The following MYO16 variants were observed in gnomAD, a reference collection of about 807,000 sequenced individuals.
MYO16 encodes the protein myosin XVI, also known as unconventional myosin-XVI.
Under a neutral mutation model 205.3 loss-of-function variants are expected in MYO16, and 94 were observed. That is an observed-to-expected ratio of 0.46 (90% confidence interval 0.39 to 0.54). The LOEUF (loss-of-function observed/expected upper bound fraction) is 0.54, where lower values mean the gene tolerates loss of function less well. Among genes scored for constraint, MYO16 ranks in the 20% least tolerant of loss-of-function variants. The pLI, the probability that MYO16 is intolerant of heterozygous loss-of-function variation, is 0.00. For missense variants in MYO16, 2,315 were observed against 2,387.5 expected (o/e 0.97, Z 0.63); for synonymous variants, 988 against 954.0 (o/e 1.04, Z -0.66).
In MYO16 at chr13:108,629,618, G is replaced by A; in HGVS notation, c.-227G>A. ...TGCTACAATAGCACGTGCACCAGTG[G>A]TGCCTCAAGACCCACCGGGGAGAGG... On this transcript the variant is annotated 5_prime_UTR_variant, in exon 1 of 35. It adds an upstream start codon to the 5' untranslated region. Transcript: ENST00000457511. 4.1e-6 allele frequency: 2 copies of A among 489,792 alleles called. No homozygotes were observed. The highest frequency in any genetic ancestry group is 7.4e-6 in the Non-Finnish European group (2 of 270,076). The allele number at this position is 489,792 out of a possible 1,614,324, so 30.3% of individuals were successfully genotyped here.
chr13:108,969,750 G>A (rs1190794981), intron 20 of MYO16, among the ~76,000 whole-genome samples: 4 of 152,136 alleles, frequency 2.6e-5, no homozygotes, highest in East Asian at 1.9e-4. Flanking sequence ...CTCTCTGCCC[G>A]ACTACAGCAA....
intron 15 of MYO16, among the ~76,000 whole-genome samples, chr13:108,899,160 A>C (rs1042496457): frequency 2.6e-5 from 4 of 152,232 alleles, no homozygotes; most frequent in Non-Finnish European, 4.4e-5. Context: ...GCAGTGGCTC[A>C]CGCCTGAAAT....
At chr13:108,618,896 T>C (rs951782805) in intron 1 of MYO16, among the ~76,000 whole-genome samples, 2 of 152,224 alleles carry the variant, frequency 1.3e-5, no homozygotes, top group South Asian at 4.1e-4. Context: ...CCAATCTTAA[T>C]GTATCTCTCT....
In MYO16 at chr13:109,125,286, G is replaced by T; in HGVS notation, c.3710G>T (p.Arg1237Leu). The T allele has an allele frequency of 6.2e-7, 1 of 1,614,120 alleles. No homozygotes were observed. Among genetic ancestry groups the T allele is most frequent in the Non-Finnish European group, 8.5e-7 (1 of 1,180,010 alleles). Reference protein sequence around the residue: ...SDIARENDRLRSEMNAPYHKE... With the variant: ...SDIARENDRLLSEMNAPYHKE... ...ATTGCCCGGGAAAATGACCGGCTCC[G>T]TAGTGAAATGAACGCTCCCTACCAT... The change falls in exon 30 of 35, where the codon CGT becomes CTT. Residue 1237 changes from arginine to leucine, a missense_variant. Physicochemically the swap from Arg to Leu is moderately radical, Grantham distance 102. Around this residue, in one of 3 missense-constraint regions of MYO16, gnomAD observed 1,097 missense variants for 1,092.0 expected, o/e 1.00. Coordinates refer to ENST00000457511, the MANE Select transcript of MYO16 (RefSeq NM_001198950.3). This position sits in a 1 kb window ranked among gnomAD's most constrained non-coding sequence, Gnocchi z 4.0.
intron 30 of MYO16, among the ~76,000 whole-genome samples, chr13:109,126,730 A>T (rs1205150031): frequency 1.3e-5 from 2 of 152,334 alleles, no homozygotes; most frequent in East Asian, 3.9e-4. Flanking sequence ...ACATAATTAA[A>T]TAATTTCTGG....
intron 29 of MYO16, 110 bp downstream of exon 29, chr13:109,120,576 C>T: frequency 1.5e-6 from 1 of 662,078 alleles, no homozygotes; most frequent in Non-Finnish European, 2.4e-6. Context: ...TAGTGGACCA[C>T]TCTCTCGATT....
intron 27 of MYO16, among the ~76,000 whole-genome samples, chr13:109,072,478 A>G (rs1887952789): frequency 6.6e-6 from 1 of 152,058 alleles, no homozygotes; most frequent in African/African-American, 2.4e-5. Flanking sequence ...TTGCTCTTGA[A>G]ATAATTAATA....
intron 22 of MYO16, among the ~76,000 whole-genome samples, chr13:109,015,508 T>C (rs998169369): frequency 2.0e-5 from 3 of 152,328 alleles, no homozygotes; most frequent in Admixed American, 6.5e-5. Context: ...CCTCTTTTTC[T>C]ATTGATTGGA....
At position 109,047,249 on chromosome 13, in the gene MYO16, T is replaced by C. The variant is rs1050193753; in HGVS notation, c.2872+258T>C. Reference sequence around the variant, plus strand: ...GAAATGTAAAATACCCTTACTACTTTAGTGGGTTGAATATAGAAAAGCTTT... The same window carrying C: ...GAAATGTAAAATACCCTTACTACTTCAGTGGGTTGAATATAGAAAAGCTTT... On this transcript the variant is annotated intron_variant, in intron 24 of 34. Transcript: ENST00000457511. Among the ~76,000 whole-genome samples, 10 of 152,268 alleles carry C rather than the reference T, an allele frequency of 6.6e-5. No individual in the cohort carries two copies. The South Asian group carries it at 1.9e-3, about 28-fold the overall frequency.
chr13:109,138,321 G>A (rs1876873882), intron 31 of MYO16, among the ~76,000 whole-genome samples: 1 of 152,130 alleles, frequency 6.6e-6, no homozygotes, highest in Non-Finnish European at 1.5e-5. Flanking sequence ...TACCAACTTA[G>A]TAAAATAATT....
intron 1 of MYO16, among the ~76,000 whole-genome samples, chr13:108,609,033 G>T (rs1440961926): frequency 6.6e-6 from 1 of 152,054 alleles, no homozygotes; most frequent in Non-Finnish European, 1.5e-5. Flanking sequence ...GTACTCAATG[G>T]TGACCCCAGC....
intron 2 of MYO16, among the ~76,000 whole-genome samples, chr13:108,699,245 G>A (rs559923054): frequency 5.3e-5 from 8 of 151,278 alleles, no homozygotes; most frequent in South Asian, 2.1e-4. Context: ...TAGTTATTAC[G>A]TATGTATATA....
At chr13:108,625,712 T>A (rs2139342995), upstream of MYO16, among the ~76,000 whole-genome samples, 1 of 152,360 alleles carries the variant, frequency 6.6e-6, no homozygotes, top group African/African-American at 2.4e-5. Flanking sequence ...TGATGCCCCA[T>A]CACAGAGCTT....
the MYO16 span, among the ~76,000 whole-genome samples, chr13:108,571,580 C>T: frequency 6.6e-6 from 1 of 151,994 alleles, no homozygotes; most frequent in Non-Finnish European, 1.5e-5. Context: ...GTCGCTGCTA[C>T]CTGGAGCCAC....
chr13:109,030,382 C>T (rs982244612), intron 23 of MYO16, among the ~76,000 whole-genome samples: 1 of 152,090 alleles, frequency 6.6e-6, no homozygotes, highest in Non-Finnish European at 1.5e-5. Flanking sequence ...ATTTATTTTG[C>T]TAAAATCCAA....
At chr13:108,832,624 C>T (rs4141576) in intron 9 of MYO16, among the ~76,000 whole-genome samples, 86,202 of 151,862 alleles carry the variant, frequency 0.57, 26,420 homozygotes, top group Middle Eastern at 0.72. Context: ...GTTCTACTTT[C>T]GCAGAATCAG....
intron 27 of MYO16, among the ~76,000 whole-genome samples, chr13:109,081,144 T>C (rs1374396900): frequency 6.6e-6 from 1 of 152,204 alleles, no homozygotes; most frequent in East Asian, 1.9e-4. Context: ...TTCTCATACG[T>C]TATTTATTCA....
intron 23 of MYO16, among the ~76,000 whole-genome samples, chr13:109,039,325 T>A (rs1886810777): frequency 6.6e-6 from 1 of 152,184 alleles, no homozygotes; most frequent in Non-Finnish European, 1.5e-5. Flanking sequence ...GCAGGAGAAC[T>A]GAACAACACC....
At chr13:108,890,321 A>G (rs1266205053) in intron 14 of MYO16, among the ~76,000 whole-genome samples, 2 of 152,074 alleles carry the variant, frequency 1.3e-5, no homozygotes, top group Admixed American at 1.3e-4. Context: ...CTTCAGGTCC[A>G]CAGTCATTGC....
Sources: allele counts gnomAD v4.1 joint callset (sites outside exome capture counted in the v4.1 genomes callset), GRCh38; gene constraint gnomAD v4.1.1; regional missense constraint gnomAD v4.1.1; non-coding constraint Gnocchi (gnomAD v3.1); transcripts MANE v1.5; gene names NCBI Gene and HGNC (gene_info 2026-07-23, HGNC 2026-07-21).